The following ARB2A variants were observed in gnomAD, a reference collection of about 807,000 sequenced individuals.
ARB2A encodes the protein cotranscriptional regulator ARB2A.
At chr5:93,662,188 T>C in the ARB2A span, among the ~76,000 whole-genome samples, 1 of 152,196 alleles carries the variant, frequency 6.6e-6, no homozygotes, top group African/African-American at 2.4e-5. Flanking sequence ...ATCTAGTTCT[T>C]ACATATTTTC....
the ARB2A span, among the ~76,000 whole-genome samples, chr5:93,990,620 TAAA>T: frequency 8.0e-5 from 6 of 75,246 alleles, no homozygotes; most frequent in African/African-American, 2.9e-4. Context: ...CTACCATGAG[TAAA>T]AAAAAAAAAA....
At chr5:93,843,398 TA>T in the ARB2A span, among the ~76,000 whole-genome samples, 2 of 147,388 alleles carry the variant, frequency 1.4e-5, no homozygotes, top group Non-Finnish European at 3.0e-5. Context: ...AGTACATGCA[TA>T]AAAGTAGAAC....
At chr5:93,713,942 G>A in the ARB2A span, among the ~76,000 whole-genome samples, 1 of 152,196 alleles carries the variant, frequency 6.6e-6, no homozygotes, top group African/African-American at 2.4e-5. Flanking sequence ...ACAGGGGTGA[G>A]GAGATAGTGA....
chr5:93,662,968 G>A, the ARB2A span, among the ~76,000 whole-genome samples: 1 of 152,176 alleles, frequency 6.6e-6, no homozygotes, highest in African/African-American at 2.4e-5. Flanking sequence ...AGAAACTCTT[G>A]TGTCCTCATG....
the ARB2A span, among the ~76,000 whole-genome samples, chr5:93,808,800 T>G: frequency 6.6e-6 from 1 of 152,030 alleles, no homozygotes; most frequent in African/African-American, 2.4e-5. Flanking sequence ...AAAATTTTTC[T>G]CTAAATATTT....
the ARB2A span, among the ~76,000 whole-genome samples, chr5:93,699,536 G>T: frequency 9.7e-4 from 147 of 152,158 alleles, 1 homozygote; most frequent in African/African-American, 3.3e-3. Context: ...TTTTTTGACA[G>T]TTTCGATAAG....
chr5:94,017,812 G>C, the ARB2A span, among the ~76,000 whole-genome samples: 5 of 152,154 alleles, frequency 3.3e-5, no homozygotes, highest in African/African-American at 1.2e-4. Context: ...ATGGTGATAT[G>C]GTTTGGCTGT....
the ARB2A span, among the ~76,000 whole-genome samples, chr5:94,030,534 G>A: frequency 2.0e-5 from 3 of 152,146 alleles, no homozygotes; most frequent in African/African-American, 7.2e-5. Context: ...TGGAATCTCT[G>A]TGGCTTCCAC....
chr5:93,878,506 CTG>C, the ARB2A span, among the ~76,000 whole-genome samples: 5 of 151,938 alleles, frequency 3.3e-5, no homozygotes. Flanking sequence ...ATGATAGCTC[CTG>C]CTCCTGGGGC....
the ARB2A span, among the ~76,000 whole-genome samples, chr5:93,902,507 T>C: frequency 1.3e-5 from 2 of 152,110 alleles, no homozygotes; most frequent in Admixed American, 1.3e-4. Flanking sequence ...TGCTTTCCCA[T>C]ATCAAATTAG....
the ARB2A span, among the ~76,000 whole-genome samples, chr5:94,102,549 T>C: frequency 7.2e-5 from 11 of 152,062 alleles, no homozygotes; most frequent in South Asian, 4.1e-4. Flanking sequence ...ATATGACACA[T>C]TGGCATCCCT....
At chr5:94,013,560 T>C in the ARB2A span, among the ~76,000 whole-genome samples, 2 of 152,286 alleles carry the variant, frequency 1.3e-5, no homozygotes, top group Non-Finnish European at 2.9e-5. Flanking sequence ...GGGCATGATT[T>C]CACATGAGCA....
chr5:93,778,962 G>A, the ARB2A span, among the ~76,000 whole-genome samples: 1 of 152,062 alleles, frequency 6.6e-6, no homozygotes, highest in African/African-American at 2.4e-5. Flanking sequence ...ACATGTTTAA[G>A]GCTTTGATCT....
At chr5:93,741,799 G>C in the ARB2A span, 1 of 467,838 alleles carries the variant, frequency 2.1e-6, no homozygotes, top group Non-Finnish European at 3.7e-6. Context: ...GAGGTACAAA[G>C]CTCCCTTGTG....
the ARB2A span, among the ~76,000 whole-genome samples, chr5:93,870,048 T>C: frequency 1.3e-5 from 2 of 152,242 alleles, no homozygotes; most frequent in Non-Finnish European, 2.9e-5. Flanking sequence ...AAGCCACCCA[T>C]TCTAGAGAAA....
the ARB2A span, among the ~76,000 whole-genome samples, chr5:94,061,370 A>C: frequency 3.9e-5 from 6 of 152,364 alleles, no homozygotes; most frequent in Non-Finnish European, 8.8e-5. Flanking sequence ...TAATAGTGAA[A>C]GACAATCCTT....
At chr5:93,988,804 A>G in the ARB2A span, among the ~76,000 whole-genome samples, 1 of 152,176 alleles carries the variant, frequency 6.6e-6, no homozygotes. Flanking sequence ...AACCCCATAA[A>G]GTAAAGGTCC....
the ARB2A span, among the ~76,000 whole-genome samples, chr5:93,963,231 G>A: frequency 6.6e-6 from 1 of 151,904 alleles, no homozygotes; most frequent in Non-Finnish European, 1.5e-5. Flanking sequence ...TAGGCCTAAA[G>A]TCAAAACTAA....
At chr5:94,108,450 T>A in the ARB2A span, among the ~76,000 whole-genome samples, 3 of 152,034 alleles carry the variant, frequency 2.0e-5, no homozygotes, top group Non-Finnish European at 4.4e-5. Flanking sequence ...GTTTTTACAA[T>A]TACAGGATTA....
Sources: allele counts gnomAD v4.1 joint callset (sites outside exome capture counted in the v4.1 genomes callset), GRCh38; gene constraint gnomAD v4.1.1; transcripts MANE v1.5; gene names NCBI Gene and HGNC (gene_info 2026-07-23, HGNC 2026-07-21).